RSU1: variants seen among roughly 807,000 people sequenced by gnomAD.
RSU1 encodes the protein rsu-1.
Under a neutral mutation model 31.1 loss-of-function variants are expected in RSU1, and 26 were observed. That is an observed-to-expected ratio of 0.84 (90% CI 0.61 to 1.16). The LOEUF is 1.16. Ranked by LOEUF, RSU1 falls within the 50% of genes most tolerant of loss-of-function variation. The pLI is 0.00. For synonymous variants in RSU1, 164 were observed against 136.3 expected (o/e 1.20, Z -1.41); for missense variants, 320 against 339.1 (o/e 0.94, Z 0.44).
chr10:16,773,806 C>T (rs1212863693), intron 3 of RSU1, among the ~76,000 whole-genome samples: 1 of 152,060 alleles, frequency 6.6e-6, no homozygotes, highest in Non-Finnish European at 1.5e-5. Context: ...GAGGGCTTCA[C>T]AGAGAAAGAT....
intron 8 of RSU1, among the ~76,000 whole-genome samples, chr10:16,685,704 G>A (rs556010515): frequency 3.9e-5 from 6 of 151,940 alleles, no homozygotes; most frequent in Admixed American, 3.9e-4. Context: ...TTTATGACCC[G>A]TATTTTGTGC....
intron 8 of RSU1, among the ~76,000 whole-genome samples, chr10:16,634,223 C>G (rs948014790): frequency 1.3e-5 from 2 of 152,222 alleles, no homozygotes; most frequent in Non-Finnish European, 2.9e-5. Context: ...GGGCTACCGA[C>G]TCTGTCTGGT....
At chr10:16,786,241 C>T (rs10904808) in intron 2 of RSU1, among the ~76,000 whole-genome samples, 67,170 of 152,102 alleles carry the variant, frequency 0.44, 18,508 homozygotes, top group African/African-American at 0.8. Context: ...GTTATACTTG[C>T]ATGGCTTTGC....
chr10:16,738,743 C>G (rs529438614), intron 7 of RSU1, among the ~76,000 whole-genome samples: 19 of 152,224 alleles, frequency 1.2e-4, no homozygotes, highest in Non-Finnish European at 2.8e-4. Flanking sequence ...GCAGAACTTG[C>G]AGGTTTGTTA....
At chr10:16,627,810 C>T (rs1049023557) in intron 8 of RSU1, among the ~76,000 whole-genome samples, 14 of 151,230 alleles carry the variant, frequency 9.3e-5, no homozygotes, top group South Asian at 4.2e-4. Context: ...GTACTGACTG[C>T]GGAGTCCAGC....
intron 8 of RSU1, among the ~76,000 whole-genome samples, chr10:16,594,860 C>T (rs1243153972): frequency 6.7e-6 from 1 of 149,442 alleles, no homozygotes; most frequent in Non-Finnish European, 1.5e-5. Context: ...TCTTGGCTCA[C>T]TGCAACCTCT....
At chr10:16,717,775 A>T (rs1206200023) in intron 7 of RSU1, among the ~76,000 whole-genome samples, 2 of 152,214 alleles carry the variant, frequency 1.3e-5, no homozygotes, top group African/African-American at 4.8e-5. Flanking sequence ...ATATGACTCA[A>T]GGGAAAAAAT....
Position 16,782,087 on chromosome 10 carries a change from A to AAAAAG in RSU1, c.110-8_110-4dup. Reference sequence around the variant, plus strand: ...TTGTGTGATATGGGATAAGGTAACTAAAAAGAAAAGAAAAAAAAAAAGGTC... The same window carrying AAAAAG: ...TTGTGTGATATGGGATAAGGTAACTAAAAAGAAAAGAAAAGAAAAAAAAAAAGGTC... On this transcript the variant is annotated splice_region_variant and splice_polypyrimidine_tract_variant and intron_variant, in intron 2 of 8. Coordinates refer to ENST00000345264, the MANE Select transcript of RSU1 (RefSeq NM_012425.4). The AAAAAG allele has an allele frequency of 6.2e-7, 1 of 1,611,236 alleles. No homozygotes were observed. Among genetic ancestry groups the AAAAAG allele is most frequent in the Non-Finnish European group, 8.5e-7 (1 of 1,178,786 alleles).
chr10:16,623,327 G>T (rs1463418736), intron 8 of RSU1, among the ~76,000 whole-genome samples: 4 of 152,108 alleles, frequency 2.6e-5, no homozygotes, highest in Admixed American at 1.3e-4. Context: ...TAGGATAATG[G>T]CCTCCAGCTC....
chr10:16,812,530 T>G lies in RSU1; in HGVS notation c.109+4443A>C, dbSNP rs192543631. ...AGGTCCTCCCCAGCTCTTTAATCTATCCCCCAAAGAAGGTCGACATGGATA... is the reference window on the plus strand; with the variant it reads ...AGGTCCTCCCCAGCTCTTTAATCTAGCCCCCAAAGAAGGTCGACATGGATA... On this transcript the variant is annotated intron_variant, in intron 2 of 8. Coordinates refer to ENST00000345264, the MANE Select transcript of RSU1 (RefSeq NM_012425.4). 2.2e-3 allele frequency among the ~76,000 whole-genome samples: 342 copies of G among 152,202 alleles called. 2 individuals carry two copies. The highest frequency in any genetic ancestry group is 7.6e-3 in the African/African-American group (317 of 41,512).
At chr10:16,638,322 T>C (rs1834381724) in intron 8 of RSU1, among the ~76,000 whole-genome samples, 1 of 152,122 alleles carries the variant, frequency 6.6e-6, no homozygotes, top group South Asian at 2.1e-4. Context: ...ATGTGTGTAG[T>C]ACCTTTTAAC....
chr10:16,817,076 G>C lies in RSU1; in HGVS notation c.6C>G (p.Ser2=), dbSNP rs1249192093. 4 of 1,612,220 alleles carry C rather than the reference G, an allele frequency of 2.5e-6. No individual in the cohort carries two copies. The African/African-American group carries it at 4.0e-5, about 16-fold the overall frequency. Residue 2 remains serine, a synonymous_variant, in exon 2 of 9, where the codon TCC becomes TCG. Transcript: ENST00000345264. The stretch of plus-strand genomic sequence containing the variant: ...CCTCCACCAACTTCTTCAGAGACTT[G>C]GACATGGTCTGCACCGAACAACAAC... M[S]KSLKKLVEES... is the part of the protein sequence containing the mutation.
At chr10:16,748,260 T>C (rs529802593) in intron 7 of RSU1, 1 of 152,372 alleles carries the variant, frequency 6.6e-6, no homozygotes, top group African/African-American at 2.4e-5. Context: ...GGCTTCGGGA[T>C]TGCAGGGGGG....
At chr10:16,739,108 T>G (rs1477175360) in intron 7 of RSU1, among the ~76,000 whole-genome samples, 2 of 152,204 alleles carry the variant, frequency 1.3e-5, no homozygotes, top group Non-Finnish European at 2.9e-5. Context: ...ATCCAGTCTA[T>G]CATTGATGGG....
At chr10:16,609,204 TTAAAAA>T (rs1297129773) in intron 8 of RSU1, among the ~76,000 whole-genome samples, 1 of 152,108 alleles carries the variant, frequency 6.6e-6, no homozygotes, top group African/African-American at 2.4e-5. Context: ...TGCAAAAAGC[TTAAAAA>T]TAAAGATGTC....
At chr10:16,667,922 A>G (rs1181093271) in intron 8 of RSU1, among the ~76,000 whole-genome samples, 1 of 152,248 alleles carries the variant, frequency 6.6e-6, no homozygotes, top group Non-Finnish European at 1.5e-5. Context: ...GTTACATTCT[A>G]GTAGAAAAAA....
chr10:16,742,607 AT>A (rs200375602), intron 7 of RSU1, among the ~76,000 whole-genome samples: 16 of 151,782 alleles, frequency 1.1e-4, no homozygotes, highest in African/African-American at 3.9e-4. Flanking sequence ...TGCCTCTGGA[AT>A]TTAAAAAAAA....
chr10:16,789,465 C>A (rs997881974), intron 2 of RSU1, among the ~76,000 whole-genome samples: 1 of 152,156 alleles, frequency 6.6e-6, no homozygotes. Context: ...CCACAAAGCC[C>A]GGTCAGGCAA....
chr10:16,696,455 G>A (rs138209169), intron 7 of RSU1, among the ~76,000 whole-genome samples: 17 of 150,210 alleles, frequency 1.1e-4, no homozygotes, highest in African/African-American at 3.6e-4. Context: ...TTTCCTTTTT[G>A]TTCTATGAAC....
Sources: gnomAD v4.1 joint callset for allele counts (sites outside exome capture counted in the v4.1 genomes callset) on GRCh38, gnomAD v4.1.1 for gene constraint, MANE v1.5 for transcripts, NCBI Gene and HGNC (gene_info 2026-07-23, HGNC 2026-07-21) for gene names.